SCARA5: variants seen among roughly 807,000 people sequenced by gnomAD.
SCARA5 encodes scavenger receptor class A member 5.
Under a neutral mutation model 46.3 loss-of-function variants are expected in SCARA5, and 45 were observed. That is an observed-to-expected ratio of 0.97 (90% CI 0.76 to 1.24). SCARA5 has a LOEUF of 1.24. Ranked by LOEUF, SCARA5 falls within the 50% of genes most tolerant of loss-of-function variation. SCARA5 has a pLI of 0.00. For synonymous variants in SCARA5, 333 were observed against 306.5 expected (o/e 1.09, Z -0.90); for missense variants, 680 against 689.0 (o/e 0.99, Z 0.15).
At chr8:27,982,200 G>A (rs189477021) in intron 2 of SCARA5, among the ~76,000 whole-genome samples, 53 of 152,194 alleles carry the variant, frequency 3.5e-4, no homozygotes, top group African/African-American at 1.2e-3. Flanking sequence ...GGGCGAATGG[G>A]ACTGCAGTAT....
chr8:27,956,546 G>A lies in SCARA5; in HGVS notation c.241+9868C>T, dbSNP rs571370078. ...TTCATCATACTGATGATTACTCATT[G>A]TTATCCCCATTTTATTGGTGTTTAA... On this transcript the variant is annotated intron_variant, in intron 3 of 8. Transcript: ENST00000354914. Among the ~76,000 whole-genome samples, 8 of 152,296 alleles carry A rather than the reference G, an allele frequency of 5.3e-5. No homozygotes were observed. In the East Asian group the frequency reaches 1.5e-3, roughly 29 times the overall value.
At chr8:27,936,720 C>T (rs898319284) in intron 3 of SCARA5, among the ~76,000 whole-genome samples, 2 of 151,720 alleles carry the variant, frequency 1.3e-5, no homozygotes, top group East Asian at 1.9e-4. Flanking sequence ...ACTGAATCCG[C>T]GGAAGCATGG....
chr8:27,889,665 T>C (rs1806951986), intron 7 of SCARA5, among the ~76,000 whole-genome samples: 2 of 152,194 alleles, frequency 1.3e-5, no homozygotes, highest in African/African-American at 4.8e-5. Context: ...GAAAAACAAT[T>C]ACTTTAACCC....
intron 3 of SCARA5, among the ~76,000 whole-genome samples, chr8:27,954,027 C>G (rs1171723803): frequency 2.0e-5 from 3 of 152,156 alleles, no homozygotes; most frequent in African/African-American, 7.2e-5. Flanking sequence ...GGACACTTCC[C>G]CTCCCTGGGC....
At chr8:27,963,783 GA>G (rs1437103814) in intron 3 of SCARA5, among the ~76,000 whole-genome samples, 1 of 152,080 alleles carries the variant, frequency 6.6e-6, no homozygotes, top group Non-Finnish European at 1.5e-5. Context: ...TTCATACTGG[GA>G]AACAGTAAGA....
At chr8:27,873,664 C>T (rs1405549597) in intron 8 of SCARA5, among the ~76,000 whole-genome samples, 3 of 152,072 alleles carry the variant, frequency 2.0e-5, no homozygotes, top group Admixed American at 6.6e-5. Context: ...TGACTCAACC[C>T]GCCTGCACCC....
chr8:27,922,303 CAAG>C lies in SCARA5; in HGVS notation c.242-61_242-59del, dbSNP rs144188704. 4,354 of 1,310,804 alleles carry C rather than the reference CAAG, an allele frequency of 3.3e-3. 112 individuals carry two copies. In the African/African-American group the frequency reaches 0.059, roughly 18 times the overall value. 81.2% of individuals were successfully genotyped at this position (1,310,804 alleles called of 1,614,324 possible). ...CGCTGGGGAGGAAGGCCCCGGGTGA[CAAG>C]AGGCGAACCCAGTCAGAGCCTGGCA... On this transcript the variant is annotated intron_variant, in intron 3 of 8. Coordinates refer to ENST00000354914, the MANE Select transcript of SCARA5 (RefSeq NM_173833.6).
chr8:27,951,816 G>A (rs1015791960), intron 3 of SCARA5, among the ~76,000 whole-genome samples: 8 of 152,114 alleles, frequency 5.3e-5, no homozygotes, highest in African/African-American at 1.9e-4. Context: ...GAATGACTTC[G>A]AGCGAACTCG....
chr8:27,893,716 C>T (rs2129713341), intron 7 of SCARA5, among the ~76,000 whole-genome samples: 1 of 152,370 alleles, frequency 6.6e-6, no homozygotes, highest in East Asian at 1.9e-4. Context: ...CTTACTCGCC[C>T]TGGCATCTCT....
Position 27,879,591 on chromosome 8 carries a change from G to T in SCARA5, c.1329C>A (p.Tyr443Ter). 6.2e-7 allele frequency: 1 copy of T among 1,609,268 alleles called. No individual in the cohort carries two copies. The highest frequency in any genetic ancestry group is 8.5e-7 in the Non-Finnish European group (1 of 1,179,988). The change falls in exon 8 of 9, where the codon TAC (tyrosine) becomes TAA (stop). Residue 443 changes from tyrosine to a stop codon, truncating the protein, a stop_gained. Transcript: ENST00000354914. LOFTEE classifies it high-confidence loss of function. Reference sequence around the variant, plus strand: ...TACCTTGCCCGAATCGAGCTGTGCGGTACACCTCCTCCACACCGCGGAAGC... The same window carrying T: ...TACCTTGCCCGAATCGAGCTGTGCGTTACACCTCCTCCACACCGCGGAAGC... ...MLGFRGVEEV[Y>*]RTARFGQGTG...
intron 7 of SCARA5, among the ~76,000 whole-genome samples, chr8:27,888,300 A>C (rs1806930091): frequency 6.6e-6 from 1 of 152,194 alleles, no homozygotes; most frequent in South Asian, 2.1e-4. Context: ...AGCTCTGAGG[A>C]CCTGGAAGAA....
At chr8:27,907,080 C>G in intron 6 of SCARA5, 68 bp downstream of exon 6, 1 of 1,117,688 alleles carries the variant, frequency 8.9e-7, no homozygotes, top group Non-Finnish European at 1.3e-6. Flanking sequence ...TCCTGGTCCC[C>G]CATGCCAATG....
At chr8:27,896,599 T>C (rs1807067444) in intron 7 of SCARA5, among the ~76,000 whole-genome samples, 1 of 152,054 alleles carries the variant, frequency 6.6e-6, no homozygotes, top group Non-Finnish European at 1.5e-5. Flanking sequence ...CTCTCAATAG[T>C]GTTGAACTCA....
In SCARA5 at chr8:27,879,444, A is replaced by G. The variant is rs1384340978; in HGVS notation, c.1351+125T>C. 10 of 876,306 alleles carry G rather than the reference A, an allele frequency of 1.1e-5. 1 individual carries two copies. Among genetic ancestry groups the G allele is most frequent in the Non-Finnish European group, 1.8e-5 (10 of 553,496 alleles). The allele number at this position is 876,306 out of a possible 1,614,324, so 54.3% of individuals were successfully genotyped here. On this transcript the variant is annotated intron_variant, in intron 8 of 8. Coordinates refer to ENST00000354914, the MANE Select transcript of SCARA5 (RefSeq NM_173833.6). ...GGGGCAGTGAGTTCTTATTGCAGCAAGCATTTGGGGAGAGGCTGGGGACCT... is the reference window on the plus strand; with the variant it reads ...GGGGCAGTGAGTTCTTATTGCAGCAGGCATTTGGGGAGAGGCTGGGGACCT...
intron 7 of SCARA5, among the ~76,000 whole-genome samples, chr8:27,890,478 A>C (rs893414086): frequency 2.0e-5 from 3 of 152,252 alleles, no homozygotes; most frequent in Admixed American, 6.5e-5. Context: ...TTAACACTTA[A>C]CATGACACGT....
At chr8:27,988,167 C>T (rs751811531) in intron 1 of SCARA5, among the ~76,000 whole-genome samples, 1 of 152,188 alleles carries the variant, frequency 6.6e-6, no homozygotes, top group Non-Finnish European at 1.5e-5. Context: ...CTCCCAAATC[C>T]AACGGGGCTG....
intron 4 of SCARA5, among the ~76,000 whole-genome samples, chr8:27,915,310 C>CGGT (rs1807443411): frequency 6.6e-6 from 1 of 152,300 alleles, no homozygotes; most frequent in South Asian, 2.1e-4. Flanking sequence ...GCCCTTGCTA[C>CGGT]CGTCCTCCGA....
chr8:27,919,111 G>A (rs1367685467), intron 4 of SCARA5, among the ~76,000 whole-genome samples: 1 of 150,842 alleles, frequency 6.6e-6, no homozygotes, highest in African/African-American at 2.4e-5. Flanking sequence ...AAGAGGAGGA[G>A]GAGGAGAAGG....
At chr8:27,877,366 A>G (rs964237345) in intron 8 of SCARA5, among the ~76,000 whole-genome samples, 1 of 152,150 alleles carries the variant, frequency 6.6e-6, no homozygotes, top group Non-Finnish European at 1.5e-5. Flanking sequence ...CAGTTTAAAG[A>G]ATCAAGTGAC....
Sources: gnomAD v4.1 joint callset for allele counts (sites outside exome capture counted in the v4.1 genomes callset) on GRCh38, gnomAD v4.1.1 for gene constraint, MANE v1.5 for transcripts, NCBI Gene and HGNC (gene_info 2026-07-23, HGNC 2026-07-21) for gene names.